The following SVIL variants were observed in gnomAD, a reference collection of about 807,000 sequenced individuals.
SVIL encodes supervillin.
Under a neutral mutation model 240.4 loss-of-function variants are expected in SVIL, and 101 were observed. That is an observed-to-expected ratio of 0.42 (90% confidence interval 0.36 to 0.50). The LOEUF (loss-of-function observed/expected upper bound fraction) is 0.50. Ranked by LOEUF, SVIL falls within the 20% of genes least tolerant of loss-of-function variation. The pLI is 0.01. For synonymous variants in SVIL, 999 were observed against 1,100.0 expected (o/e 0.91, Z 1.82); for missense variants, 2,512 against 2,818.7 (o/e 0.89, Z 2.46).
At chr10:29,472,176 C>G (rs1443732841) in intron 30 of SVIL, among the ~76,000 whole-genome samples, 1 of 152,004 alleles carries the variant, frequency 6.6e-6, no homozygotes, top group Non-Finnish European at 1.5e-5. Context: ...GTAAAATGCT[C>G]AAATGAGAGA....
Position 29,486,416 on chromosome 10 carries a change from A to G in SVIL, c.4627T>C (p.Tyr1543His), listed in dbSNP as rs1359600152. The part of the protein sequence containing the change: ...FWKLLGGQTS[Y>H]QSAGDPKEDE... The stretch of plus-strand genomic sequence containing the variant: ...AAGTACAATGAAGTCTTACATTGGT[A>G]ACTGGTTTGGCCACCCAGAAGCTTC... The change falls in exon 25 of 38, where the codon TAC (tyrosine) becomes CAC (histidine). Residue 1543 changes from tyrosine to histidine, a missense_variant. Physicochemically the swap from Tyr to His is moderately conservative, Grantham distance 83. Transcript: ENST00000355867. 1 of 1,614,178 alleles carries G rather than the reference A, an allele frequency of 6.2e-7. No individual in the cohort carries two copies. Among genetic ancestry groups the G allele is most frequent in the Admixed American group, 1.7e-5 (1 of 60,022 alleles).
At chr10:29,568,741 A>G (rs1165498717) in intron 2 of SVIL, among the ~76,000 whole-genome samples, 1 of 152,048 alleles carries the variant, frequency 6.6e-6, no homozygotes. Flanking sequence ...TAAGAGAGAG[A>G]GTTGAGAAGA....
chr10:29,568,855 C>A (rs1458873594), intron 2 of SVIL, among the ~76,000 whole-genome samples: 1 of 149,698 alleles, frequency 6.7e-6, no homozygotes, highest in Admixed American at 6.7e-5. Flanking sequence ...GTGTGTGTGT[C>A]TATGGAAAAA....
At chr10:29,573,726 G>T (rs1246548151) in intron 1 of SVIL, among the ~76,000 whole-genome samples, 12 of 141,574 alleles carry the variant, frequency 8.5e-5, no homozygotes, top group African/African-American at 2.1e-4. Context: ...TTTTTTTCCC[G>T]CTCTGTCACC....
intron 17 of SVIL, chr10:29,507,656 A>T: frequency 3.0e-6 from 2 of 668,674 alleles, no homozygotes; most frequent in Non-Finnish European, 3.7e-6. Context: ...CAAATAAGTT[A>T]TTTCCCAAAA....
chr10:29,570,555 G>T (rs953777092), intron 1 of SVIL, among the ~76,000 whole-genome samples: 3 of 152,176 alleles, frequency 2.0e-5, no homozygotes, highest in Admixed American at 6.5e-5. Flanking sequence ...ACAGTATCTT[G>T]TTCCAAACTG....
intron 17 of SVIL, among the ~76,000 whole-genome samples, chr10:29,503,462 C>T (rs1949051361): frequency 6.6e-6 from 1 of 152,116 alleles, no homozygotes; most frequent in African/African-American, 2.4e-5. Context: ...AGCCTGTGTG[C>T]TTTTTTTCTT....
At chr10:29,558,035 A>C (rs4749458) in intron 3 of SVIL, among the ~76,000 whole-genome samples, 46,098 of 152,106 alleles carry the variant, frequency 0.3, 7,263 homozygotes, top group African/African-American at 0.39. Flanking sequence ...ATATTTCTAA[A>C]GCCCCTTAGG....
intron 1 of SVIL, among the ~76,000 whole-genome samples, chr10:29,632,259 C>T (rs1226823525): frequency 5.3e-5 from 8 of 151,966 alleles, no homozygotes; most frequent in Non-Finnish European, 8.8e-5. Context: ...GGAGGCCGAG[C>T]GCTGGTAGAT....
At chr10:29,498,324 G>T (rs563515465) in intron 18 of SVIL, among the ~76,000 whole-genome samples, 1 of 151,430 alleles carries the variant, frequency 6.6e-6, no homozygotes, top group African/African-American at 2.4e-5. Context: ...GGGCTGAGGC[G>T]AGAGAATTGC....
At chr10:29,615,050 CAT>C (rs2132887609) in intron 1 of SVIL, among the ~76,000 whole-genome samples, 1 of 152,196 alleles carries the variant, frequency 6.6e-6, no homozygotes, top group South Asian at 2.1e-4. Context: ...TAATACAAAT[CAT>C]AACAAAAAGT....
At chr10:29,541,039 A>G (rs1384976157) in intron 6 of SVIL, among the ~76,000 whole-genome samples, 1 of 152,260 alleles carries the variant, frequency 6.6e-6, no homozygotes, top group Admixed American at 6.5e-5. Flanking sequence ...GAGAGACAGT[A>G]AAATAGCAGG....
At chr10:29,728,743 G>A (rs1159001099) in intron 1 of SVIL, among the ~76,000 whole-genome samples, 1 of 152,188 alleles carries the variant, frequency 6.6e-6, no homozygotes, top group Non-Finnish European at 1.5e-5. Flanking sequence ...ACGGGCAGCT[G>A]AATTGGCCAG....
chr10:29,577,966 A>C (rs912842682), intron 1 of SVIL, among the ~76,000 whole-genome samples: 1 of 152,194 alleles, frequency 6.6e-6, no homozygotes, highest in Admixed American at 6.5e-5. Context: ...ATATTGTTAA[A>C]GTTAATGGAC....
At chr10:29,525,504 C>T (rs1001497350) in intron 13 of SVIL, among the ~76,000 whole-genome samples, 1 of 152,166 alleles carries the variant, frequency 6.6e-6, no homozygotes, top group Non-Finnish European at 1.5e-5. Context: ...ATCCCAGCTA[C>T]TCAGGAGGCT....
chr10:29,520,442 A>C (rs1483474154), intron 16 of SVIL, among the ~76,000 whole-genome samples: 1 of 152,110 alleles, frequency 6.6e-6, no homozygotes, highest in East Asian at 1.9e-4. Flanking sequence ...TCCTCATTGC[A>C]CTGTCCCCTC....
Position 29,490,848 on chromosome 10 carries a change from C to G in SVIL, c.4191G>C (p.Lys1397Asn). ...CAGGGTGGGGGTTCAAATACTCACT[C>G]TTTTCTACTTTCATCCGCTTTGACT... ...FMESKRMKVEKMSSNSNFSEV... is the reference protein window; with the variant it reads ...FMESKRMKVENMSSNSNFSEV... The change falls in exon 22 of 38, where the codon AAG becomes AAC. Residue 1397 changes from lysine to asparagine, a missense_variant and splice_region_variant. By Grantham distance (94) the Lys-to-Asn change is moderately conservative. This residue lies in a region of SVIL where 272 missense variants were observed against 406.8 expected (regional missense o/e 0.67). Transcript: ENST00000355867. The G allele has an allele frequency of 1.2e-6, 2 of 1,613,724 alleles. No individual in the cohort carries two copies. Among genetic ancestry groups the G allele is most frequent in the Non-Finnish European group, 1.7e-6 (2 of 1,179,680 alleles).
chr10:29,706,497 G>A (rs181895583), intron 1 of SVIL, among the ~76,000 whole-genome samples: 2 of 152,076 alleles, frequency 1.3e-5, no homozygotes, highest in Admixed American at 6.5e-5. Context: ...CATTTTGATG[G>A]GTATTTTTTT....
Position 29,561,668 on chromosome 10 carries a change from C to T in SVIL, c.-51+1533G>A, listed in dbSNP as rs183753160. ...TGACAGCCGTTCCATGCCCCATCTG[C>T]ACCCGTCCTAACTGGACACGAGGCC... On this transcript the variant is annotated intron_variant, in intron 3 of 37. Transcript: ENST00000355867. 5.3e-5 allele frequency among the ~76,000 whole-genome samples: 8 copies of T among 151,976 alleles called. No individual in the cohort carries two copies. The East Asian group carries it at 1.2e-3, about 22-fold the overall frequency.
Sources: allele counts gnomAD v4.1 joint callset (sites outside exome capture counted in the v4.1 genomes callset), GRCh38; gene constraint gnomAD v4.1.1; regional missense constraint gnomAD v4.1.1; transcripts MANE v1.5; gene names NCBI Gene and HGNC (gene_info 2026-07-23, HGNC 2026-07-21).